The following PCDHGB1 variants were observed in gnomAD, a reference collection of about 807,000 sequenced individuals.
PCDHGB1 encodes protocadherin gamma subfamily B, 1.
In PCDHGB1, 34 loss-of-function variants were observed where a neutral mutation model predicts 56.6. That is an observed-to-expected ratio of 0.60 (90% CI 0.46 to 0.80). The LOEUF is 0.80. PCDHGB1 is among the 30% of genes least tolerant of loss of function. The pLI is 0.00. For missense variants in PCDHGB1, 1,278 were observed against 1,204.6 expected, an observed-to-expected ratio of 1.06 and a Z score of -0.90; for synonymous variants, 561 against 505.9, an observed-to-expected ratio of 1.11 and a Z score of -1.46.
intron 1 of PCDHGB1, chr5:141,370,958 CA>C (rs1167381959): frequency 6.2e-7 from 1 of 1,613,874 alleles, no homozygotes. Context: ...ACCTGGATGG[CA>C]GTAGGTACCC....
At chr5:141,374,495 T>C in intron 1 of PCDHGB1, 2 of 1,611,502 alleles carry the variant, frequency 1.2e-6, no homozygotes, top group Non-Finnish European at 8.5e-7. Context: ...AAAGGAAGAA[T>C]TGGAAGTGAA....
Position 141,489,564 on chromosome 5 carries a change from G to A in PCDHGB1, c.2410-5243G>A, listed in dbSNP as rs375200685. The A allele has an allele frequency of 1.9e-6, 3 of 1,613,980 alleles. No homozygotes were observed. Among genetic ancestry groups the A allele is most frequent in the Non-Finnish European group, 1.7e-6 (2 of 1,180,020 alleles). On this transcript the variant is annotated intron_variant, in intron 1 of 3. Transcript: ENST00000523390. This position sits in a 1 kb window ranked among gnomAD's most constrained non-coding sequence, Gnocchi z 4.5. Reference sequence around the variant, plus strand: ...CCAGCTGCCTGCTGCCAGTGCAGGTGGTGACTGAACACCCCCTGGAGCTAA... The same window carrying A: ...CCAGCTGCCTGCTGCCAGTGCAGGTAGTGACTGAACACCCCCTGGAGCTAA...
intron 1 of PCDHGB1, chr5:141,421,230 G>T: frequency 6.3e-7 from 1 of 1,590,132 alleles, no homozygotes. Context: ...AGCCTGCCAT[G>T]GCGAATCGGC....
Position 141,411,472 on chromosome 5 carries a change from T to G in PCDHGB1, c.2409+58803T>G, listed in dbSNP as rs546914871. ...GGTAGCATTCCCCTGTGGTCCCAGC[T>G]ACTTGGGAGGCTGAGCTGGGTGGAT... On this transcript the variant is annotated intron_variant, in intron 1 of 3. Coordinates refer to ENST00000523390, the MANE Select transcript of PCDHGB1 (RefSeq NM_018922.3). 2.6e-5 allele frequency: 4 copies of G among 151,948 alleles called. 1 individual carries two copies. The South Asian group carries it at 8.3e-4, about 32-fold the overall frequency. The allele number at this position is 151,948 out of a possible 1,614,324, so 9.4% of individuals were successfully genotyped here.
At position 141,350,724 on chromosome 5, in the gene PCDHGB1, A is replaced by AAG; in HGVS notation, c.466_467dup (p.Asp156GlufsTer10). 1.2e-6 allele frequency: 2 copies of AAG among 1,613,990 alleles called. No individual in the cohort carries two copies. The highest frequency in any genetic ancestry group is 2.2e-5 in the South Asian group (2 of 91,088). ...GTAAAATTCTCTCTGGATTCTGCTC[A>AAG]AGATGCAGATGTGGAAGGCAATTCA... On this transcript the variant is annotated frameshift_variant, in exon 1 of 4. Coordinates refer to ENST00000523390, the MANE Select transcript of PCDHGB1 (RefSeq NM_018922.3). LOFTEE classifies it high-confidence loss of function.
chr5:141,409,230 A>G, intron 1 of PCDHGB1: 1 of 1,614,024 alleles, frequency 6.2e-7, no homozygotes. Context: ...GAAAACGACA[A>G]CAGCCCAGAA....
intron 1 of PCDHGB1, among the ~76,000 whole-genome samples, chr5:141,458,513 G>GTT (rs537551567): frequency 7.5e-5 from 11 of 146,196 alleles, no homozygotes; most frequent in African/African-American, 2.2e-4. Flanking sequence ...TTGACACTTT[G>GTT]TTTTTTTTTT....
chr5:141,384,334 C>A (rs1779970411), intron 1 of PCDHGB1: 1 of 1,613,728 alleles, frequency 6.2e-7, no homozygotes, highest in African/African-American at 1.3e-5. Context: ...TGCACAGGAC[C>A]ACGACAGTGA....
At chr5:141,404,039 G>A in intron 1 of PCDHGB1, 1 of 1,613,750 alleles carries the variant, frequency 6.2e-7, no homozygotes, top group Non-Finnish European at 8.5e-7. Context: ...CGCACCTCAG[G>A]GAACAGTAAT....
chr5:141,423,923 G>A (rs2096790975), intron 1 of PCDHGB1: 2 of 1,254,626 alleles, frequency 1.6e-6, no homozygotes, highest in African/African-American at 1.6e-5. Flanking sequence ...CAACTATGCT[G>A]GTTTGGTTTG....
intron 1 of PCDHGB1, chr5:141,375,215 C>T: frequency 1.2e-6 from 2 of 1,614,004 alleles, no homozygotes; most frequent in Non-Finnish European, 1.7e-6. Flanking sequence ...AGACTCTGGC[C>T]TGAATGGCCT....
At chr5:141,429,542 A>G (rs1484411621) in intron 1 of PCDHGB1, among the ~76,000 whole-genome samples, 3 of 152,188 alleles carry the variant, frequency 2.0e-5, no homozygotes, top group African/African-American at 7.2e-5. Context: ...AAATAAGAAC[A>G]TGGTAATGAT....
At chr5:141,420,073 G>A (rs2096463936) in intron 1 of PCDHGB1, 23 of 1,613,964 alleles carry the variant, frequency 1.4e-5, no homozygotes, top group Non-Finnish European at 1.9e-5. Context: ...CCGGACCTGT[G>A]GGTCCCCCCA....
rs1243232069 is a variant in PCDHGB1 at position 141,490,842 on chromosome 5, G to A, written c.2410-3965G>A. Reference sequence around the variant, plus strand: ...TGCTGCAGATGCTGCAGATTGTGGTGGGGGTTCGAGACTCCGGCTCTCCCC... The same window carrying A: ...TGCTGCAGATGCTGCAGATTGTGGTAGGGGTTCGAGACTCCGGCTCTCCCC... On this transcript the variant is annotated intron_variant, in intron 1 of 3. Transcript: ENST00000523390. The surrounding 1 kb of genome is among the most constrained non-coding windows in gnomAD (Gnocchi z 5.4). 4.3e-6 allele frequency: 7 copies of A among 1,613,844 alleles called. No homozygotes were observed. In the South Asian group the frequency reaches 6.6e-5, roughly 15 times the overall value.
At chr5:141,403,276 C>G in intron 1 of PCDHGB1, 7 of 1,613,844 alleles carry the variant, frequency 4.3e-6, no homozygotes, top group Non-Finnish European at 5.1e-6. Context: ...ACTTTAAAGT[C>G]CTGGTTGAAG....
chr5:141,489,191 T>C lies in PCDHGB1; in HGVS notation c.2410-5616T>C. On this transcript the variant is annotated intron_variant, in intron 1 of 3. Coordinates refer to ENST00000523390, the MANE Select transcript of PCDHGB1 (RefSeq NM_018922.3). The surrounding 1 kb of genome is among the most constrained non-coding windows in gnomAD (Gnocchi z 4.5). ...CTGCATTCCAAGCCCTGGGTCTACC[T>C]TGGAGACAGGACAGCACAGACTTAC... The C allele has an allele frequency of 7.3e-7, 1 of 1,364,400 alleles. No homozygotes were observed. Among genetic ancestry groups the C allele is most frequent in the Middle Eastern group, 1.9e-4 (1 of 5,334 alleles). The allele number at this position is 1,364,400 out of a possible 1,614,324, so 84.5% of individuals were successfully genotyped here. A position where few individuals can be genotyped will look rare whatever the true frequency, so the allele number is the denominator to read the frequency against.
intron 1 of PCDHGB1, chr5:141,413,055 C>G: frequency 9.8e-7 from 1 of 1,019,544 alleles, no homozygotes; most frequent in Non-Finnish European, 1.4e-6. Flanking sequence ...GGGAAGCTCA[C>G]TCCAGAATTT....
intron 1 of PCDHGB1, chr5:141,392,568 T>G: frequency 2.3e-6 from 1 of 442,486 alleles, no homozygotes; most frequent in South Asian, 4.4e-5. Flanking sequence ...CAGTAACTAT[T>G]TAGGACTGTA....
intron 1 of PCDHGB1, chr5:141,400,274 G>C: frequency 6.2e-7 from 1 of 1,614,032 alleles, no homozygotes; most frequent in Non-Finnish European, 8.5e-7. Flanking sequence ...CGCTCCTCCA[G>C]CCCTGCCGCC....
Sources: allele counts gnomAD v4.1 joint callset (sites outside exome capture counted in the v4.1 genomes callset), GRCh38; gene constraint gnomAD v4.1.1; non-coding constraint Gnocchi (gnomAD v3.1); transcripts MANE v1.5; gene names NCBI Gene and HGNC (gene_info 2026-07-23, HGNC 2026-07-21).